Variants in XYLB observed in about 807,000 individuals in gnomAD.
XYLB encodes xylulokinase, also known as xylulose kinase.
A neutral mutation model predicts 78.7 loss-of-function variants in XYLB; 62 were observed. The ratio of observed to expected loss-of-function variants is 0.79; its 90% CI spans 0.64 to 0.97. XYLB has a LOEUF of 0.97. XYLB is among the 50% of genes least tolerant of loss of function. XYLB has a pLI of 0.00. For missense variants in XYLB, 687 were observed against 676.8 expected (o/e 1.02, Z -0.17); for synonymous variants, 245 against 247.4 (o/e 0.99, Z 0.09).
intron 4 of XYLB, among the ~76,000 whole-genome samples, chr3:38,363,705 G>A (rs1242770755): frequency 3.9e-5 from 6 of 152,118 alleles, no homozygotes; most frequent in South Asian, 4.1e-4. Flanking sequence ...CTATTAATAC[G>A]CAGTAAACAT....
chr3:38,392,658 T>C (rs1482874758), intron 15 of XYLB, among the ~76,000 whole-genome samples: 2 of 152,222 alleles, frequency 1.3e-5, no homozygotes, highest in African/African-American at 4.8e-5. Flanking sequence ...ATTGGCTATG[T>C]ACATTCTTTC....
chr3:38,443,275 G>A, the XYLB span, among the ~76,000 whole-genome samples: 7 of 152,132 alleles, frequency 4.6e-5, no homozygotes, highest in South Asian at 6.2e-4. Flanking sequence ...GACATAAGCC[G>A]GTGCTTGTTC....
the XYLB span, among the ~76,000 whole-genome samples, chr3:38,427,254 G>T: frequency 1.3e-5 from 2 of 152,092 alleles, no homozygotes; most frequent in Non-Finnish European, 1.5e-5. Context: ...GCTGGTCTTG[G>T]CACCATGTTG....
chr3:38,424,070 C>T (rs1709053960), downstream of XYLB, among the ~76,000 whole-genome samples: 1 of 152,116 alleles, frequency 6.6e-6, no homozygotes, highest in African/African-American at 2.4e-5. Flanking sequence ...TCTCACAAAC[C>T]CTTGGCAATT....
chr3:38,404,396 A>G (rs1360259876), intron 18 of XYLB, among the ~76,000 whole-genome samples: 1 of 152,234 alleles, frequency 6.6e-6, no homozygotes, highest in Non-Finnish European at 1.5e-5. Context: ...CTTATCGTGG[A>G]CTCAGAAGCC....
chr3:38,420,027 C>T (rs1708927414), exon 18 of XYLB, among the ~76,000 whole-genome samples: 1 of 152,056 alleles, frequency 6.6e-6, no homozygotes, highest in East Asian at 1.9e-4. Context: ...ACCATGTTGG[C>T]CAGGATGGTC....
the XYLB span, chr3:38,451,151 T>C: frequency 6.6e-6 from 1 of 152,146 alleles, no homozygotes; most frequent in Non-Finnish European, 1.5e-5. Flanking sequence ...TAACAATATG[T>C]AAGAAAACAG....
At chr3:38,382,531 A>T (rs761861955) in intron 15 of XYLB, among the ~76,000 whole-genome samples, 1 of 152,188 alleles carries the variant, frequency 6.6e-6, no homozygotes, top group Non-Finnish European at 1.5e-5. Flanking sequence ...CATGTGTAAA[A>T]TGACCACCAT....
rs1708095132 is a variant in XYLB, at chr3:38,400,901, T to C, written c.1449T>C (p.Gly483=). 1 of 1,613,982 alleles carries C rather than the reference T, an allele frequency of 6.2e-7. No homozygotes were observed. The highest frequency in any genetic ancestry group is 2.2e-5 in the East Asian group (1 of 44,888). ...ACCTTTCCCTTCTAGGTCTTGCAGGTGGAACAGATGTGCCCTTTTCAGAGG... is the reference window on the plus strand; with the variant it reads ...ACCTTTCCCTTCTAGGTCTTGCAGGCGGAACAGATGTGCCCTTTTCAGAGG... The part of the protein sequence containing the change: ...SAYRAFHGLA[G]GTDVPFSEVV... The change falls in exon 18 of 19, where the codon GGT becomes GGC. Residue 483 remains glycine (G), a synonymous_variant. Coordinates refer to ENST00000207870, the MANE Select transcript of XYLB (RefSeq NM_005108.4).
Position 38,372,120 on chromosome 3 carries a change from C to T in XYLB, c.766-535C>T, listed in dbSNP as rs141747082. Among the ~76,000 whole-genome samples, 21 of 152,314 alleles carry T rather than the reference C, an allele frequency of 1.4e-4. No homozygotes were observed. The East Asian group carries it at 3.5e-3, about 25-fold the overall frequency. ...GGAACCACTCAAGACCCATGTTTTT[C>T]GTCATCCCTCTTTTTGCAGGTAGTG... On this transcript the variant is annotated intron_variant, in intron 9 of 18. Transcript: ENST00000207870.
At chr3:38,429,703 C>G in the XYLB span, among the ~76,000 whole-genome samples, 11 of 152,166 alleles carry the variant, frequency 7.2e-5, no homozygotes, top group Admixed American at 7.2e-4. Context: ...CTATCCCTCC[C>G]CCAGGCCCCC....
At chr3:38,402,443 G>C (rs1295466173) in intron 18 of XYLB, among the ~76,000 whole-genome samples, 1 of 152,186 alleles carries the variant, frequency 6.6e-6, no homozygotes, top group African/African-American at 2.4e-5. Context: ...ATGCTGTCTA[G>C]AGCAGACAAA....
chr3:38,357,977 A>G (rs1256490139), intron 2 of XYLB, among the ~76,000 whole-genome samples: 4 of 151,646 alleles, frequency 2.6e-5, no homozygotes, highest in African/African-American at 9.7e-5. Flanking sequence ...TTTTTGTCCC[A>G]TTCTGTGGGT....
chr3:38,374,338 T>G (rs1277928548), intron 10 of XYLB, 124 bp from the exon 11 acceptor site: 5 of 1,382,550 alleles, frequency 3.6e-6, no homozygotes, highest in Non-Finnish European at 5.1e-6. Flanking sequence ...TGCTCCTGCC[T>G]CCACCCTAGG....
chr3:38,414,075 C>T lies in XYLB; in HGVS notation c.*1062C>T, dbSNP rs1445928123. The T allele has an allele frequency of 2.0e-5, 3 of 152,180 alleles. No individual in the cohort carries two copies. Among genetic ancestry groups the T allele is most frequent in the Non-Finnish European group, 4.4e-5 (3 of 68,048 alleles). The allele number at this position is 152,180 out of a possible 1,614,324, so 9.4% of individuals were successfully genotyped here. A position where few individuals can be genotyped will look rare whatever the true frequency, so the allele number is the denominator to read the frequency against. Reference sequence around the variant, plus strand: ...TGCAAAAGCCTCTATAGAAAGTCCTCTGTGATCTGACTCCTGCAGACTCTT... The same window carrying T: ...TGCAAAAGCCTCTATAGAAAGTCCTTTGTGATCTGACTCCTGCAGACTCTT... On this transcript the variant is annotated 3_prime_UTR_variant, in exon 19 of 19. Coordinates refer to ENST00000207870, the MANE Select transcript of XYLB (RefSeq NM_005108.4).
chr3:38,437,447 A>G, the XYLB span, among the ~76,000 whole-genome samples: 1 of 152,228 alleles, frequency 6.6e-6, no homozygotes, highest in Admixed American at 6.5e-5. Flanking sequence ...AGGCATCCAT[A>G]TTGCAAAAGA....
chr3:38,395,360 T>C, intron 15 of XYLB, 145 bp from the exon 16 acceptor site: 1 of 726,890 alleles, frequency 1.4e-6, no homozygotes, highest in South Asian at 1.7e-5. Context: ...AGAGCCAGCT[T>C]TGGATCTCTC....
chr3:38,360,302 C>T (rs1321607921), intron 2 of XYLB, 37 bp from the exon 3 acceptor site: 4 of 1,596,304 alleles, frequency 2.5e-6, no homozygotes, highest in African/African-American at 2.7e-5. Context: ...TCTGCCTGCC[C>T]TGAGGCTCTG....
intron 18 of XYLB, among the ~76,000 whole-genome samples, chr3:38,407,969 G>A (rs1455986078): frequency 6.6e-6 from 1 of 152,100 alleles, no homozygotes; most frequent in African/African-American, 2.4e-5. Flanking sequence ...ACATTAGACA[G>A]AACAACGAGA....
Sources: gnomAD v4.1 joint callset for allele counts (sites outside exome capture counted in the v4.1 genomes callset) on GRCh38, gnomAD v4.1.1 for gene constraint, MANE v1.5 for transcripts, NCBI Gene and HGNC (gene_info 2026-07-23, HGNC 2026-07-21) for gene names.